The following GALNT18 variants were observed in gnomAD, a reference collection of about 807,000 sequenced individuals.
GALNT18 encodes GalNAc-transferase 18.
In GALNT18, 44 loss-of-function variants were observed where a neutral mutation model predicts 69.5. That is an observed-to-expected ratio of 0.63 (90% CI 0.50 to 0.81). The LOEUF (loss-of-function observed/expected upper bound fraction) is 0.81, where lower values mean the gene tolerates loss of function less well. Ranked by LOEUF, GALNT18 falls within the 40% of genes least tolerant of loss-of-function variation. The probability of loss-of-function intolerance (pLI) is 0.00; values close to 1 mark genes in which losing one functional copy is unlikely to be tolerated. For synonymous variants in GALNT18, 364 were observed against 318.2 expected, an observed-to-expected ratio of 1.14 and a Z score of -1.53; for missense variants, 715 against 810.0, an observed-to-expected ratio of 0.88 and a Z score of 1.42.
At chr11:11,292,436 G>A (rs1318084612) in intron 10 of GALNT18, among the ~76,000 whole-genome samples, 1 of 152,142 alleles carries the variant, frequency 6.6e-6, no homozygotes, top group African/African-American at 2.4e-5. Context: ...ACTTAATAAA[G>A]GAATGTCCCA....
Position 11,617,027 on chromosome 11 carries a change from C to A in GALNT18, c.235+4332G>T, listed in dbSNP as rs1035888359. Among the ~76,000 whole-genome samples, 1 of 152,114 alleles carries A rather than the reference C, an allele frequency of 6.6e-6. No individual in the cohort carries two copies. The highest frequency in any genetic ancestry group is 6.5e-5 in the Admixed American group (1 of 15,274). On this transcript the variant is annotated intron_variant, in intron 1 of 10. Coordinates refer to ENST00000227756, the MANE Select transcript of GALNT18 (RefSeq NM_198516.3). The surrounding 1 kb of genome is among the most constrained non-coding windows in gnomAD (Gnocchi z 4.7). The stretch of plus-strand genomic sequence containing the variant: ...CTACACTGAGACTGCTTCATAAGCA[C>A]CTTTAAGTTTCCAATGAATTTTAAA...
At chr11:11,285,594 T>A (rs142013527) in intron 10 of GALNT18, among the ~76,000 whole-genome samples, 136 of 152,310 alleles carry the variant, frequency 8.9e-4, no homozygotes, top group Non-Finnish European at 1.5e-3. Flanking sequence ...CGAAGCTTTG[T>A]CAGTCCCTCA....
At position 11,500,300 on chromosome 11, in the gene GALNT18, C is replaced by T. The variant is rs867807349; in HGVS notation, c.236-51364G>A. 3.9e-5 allele frequency among the ~76,000 whole-genome samples: 6 copies of T among 152,172 alleles called. No individual in the cohort carries two copies. The highest frequency in any genetic ancestry group is 9.7e-5 in the African/African-American group (4 of 41,442). ...GCCTCCCGGGAGTCCCTAATACTGGCGGACAGAGATGGGTTTCAAATCCCA... is the reference window on the plus strand; with the variant it reads ...GCCTCCCGGGAGTCCCTAATACTGGTGGACAGAGATGGGTTTCAAATCCCA... On this transcript the variant is annotated intron_variant, in intron 1 of 10. Coordinates refer to ENST00000227756, the MANE Select transcript of GALNT18 (RefSeq NM_198516.3). This position sits in a 1 kb window ranked among gnomAD's most constrained non-coding sequence, Gnocchi z 5.0.
At chr11:11,594,058 T>C (rs1859427892) in intron 1 of GALNT18, among the ~76,000 whole-genome samples, 1 of 152,244 alleles carries the variant, frequency 6.6e-6, no homozygotes, top group Admixed American at 6.5e-5. Flanking sequence ...TAGTTTTCAC[T>C]CTGTGCCAGA....
intron 10 of GALNT18, among the ~76,000 whole-genome samples, chr11:11,290,130 C>G (rs1304122560): frequency 2.0e-5 from 3 of 152,296 alleles, no homozygotes; most frequent in Admixed American, 6.5e-5. Flanking sequence ...TTGAGGACTC[C>G]TGGTGATGCC....
At chr11:11,478,288 T>C (rs1856445163) in intron 1 of GALNT18, among the ~76,000 whole-genome samples, 1 of 152,228 alleles carries the variant, frequency 6.6e-6, no homozygotes, top group African/African-American at 2.4e-5. Context: ...CTAGCTAACA[T>C]GCCAATCAAA....
At chr11:11,431,946 G>T (rs1008954745) in intron 3 of GALNT18, among the ~76,000 whole-genome samples, 1 of 152,184 alleles carries the variant, frequency 6.6e-6, no homozygotes, top group Non-Finnish European at 1.5e-5. Context: ...CATATGGGGG[G>T]GCAAAGAATC....
Position 11,618,741 on chromosome 11 carries a change from CA to C in GALNT18, c.235+2617del, listed in dbSNP as rs1000921234. ...AAAATGGAGCAAATATTACCTACTT[CA>C]TAAGGTTGTGAAGATTAAATAAGTC... On this transcript the variant is annotated intron_variant, in intron 1 of 10. Coordinates refer to ENST00000227756, the MANE Select transcript of GALNT18 (RefSeq NM_198516.3). This position sits in a 1 kb window ranked among gnomAD's most constrained non-coding sequence, Gnocchi z 6.1. 2.1e-4 allele frequency among the ~76,000 whole-genome samples: 32 copies of C among 152,310 alleles called. No homozygotes were observed. Among genetic ancestry groups the C allele is most frequent in the African/African-American group, 7.5e-4 (31 of 41,552 alleles).
intron 2 of GALNT18, among the ~76,000 whole-genome samples, chr11:11,434,814 T>C (rs1855361350): frequency 6.6e-6 from 1 of 152,160 alleles, no homozygotes; most frequent in African/African-American, 2.4e-5. Flanking sequence ...TCTTTTTCAA[T>C]TTTTTGGAAA....
chr11:11,301,727 T>C (rs1849498016), intron 9 of GALNT18, among the ~76,000 whole-genome samples: 1 of 152,160 alleles, frequency 6.6e-6, no homozygotes, highest in African/African-American at 2.4e-5. Flanking sequence ...GAGGAGTCGA[T>C]CCCATTCAAT....
At position 11,620,924 on chromosome 11, in the gene GALNT18, A is replaced by G. The variant is rs1030568145; in HGVS notation, c.235+435T>C. 7.0e-6 allele frequency among the ~76,000 whole-genome samples: 1 copy of G among 142,866 alleles called. No individual in the cohort carries two copies. The highest frequency in any genetic ancestry group is 2.5e-4 in the South Asian group (1 of 4,064). The allele number at this position is 142,866 out of a possible 152,430, so 93.7% of individuals were successfully genotyped here. A position where few individuals can be genotyped will look rare whatever the true frequency, so the allele number is the denominator to read the frequency against. On this transcript the variant is annotated intron_variant, in intron 1 of 10. Transcript: ENST00000227756. The surrounding 1 kb of genome is among the most constrained non-coding windows in gnomAD (Gnocchi z 6.9). ...CAATAGTCAGGGCCGCCGCGCGGGC[A>G]TCTCGCCTGACGCCTACAGTGGCCA...
intron 1 of GALNT18, among the ~76,000 whole-genome samples, chr11:11,549,381 G>A (rs752753289): frequency 4.6e-5 from 7 of 152,140 alleles, no homozygotes; most frequent in Non-Finnish European, 8.8e-5. Context: ...TAACTGATAC[G>A]GCAGATGACC....
At chr11:11,279,492 C>T (rs1488316750) in intron 10 of GALNT18, among the ~76,000 whole-genome samples, 1 of 152,138 alleles carries the variant, frequency 6.6e-6, no homozygotes, top group African/African-American at 2.4e-5. Context: ...ATTTATAAAA[C>T]TAACCTGGAG....
At chr11:11,391,353 T>G (rs1461085598) in intron 3 of GALNT18, among the ~76,000 whole-genome samples, 1 of 152,264 alleles carries the variant, frequency 6.6e-6, no homozygotes, top group Non-Finnish European at 1.5e-5. Context: ...GTAACCCATT[T>G]TATAGATGAG....
At position 11,356,153 on chromosome 11, in the gene GALNT18, C is replaced by T. The variant is rs972913985; in HGVS notation, c.1093-15149G>A. ...CCAAGAACATTTGTATTTGGAGATG[C>T]CCCTGACCCCTCCTTCTGCAACTTC... is the stretch of plus-strand genomic sequence containing the variant. On this transcript the variant is annotated intron_variant, in intron 6 of 10. Transcript: ENST00000227756. The surrounding 1 kb of genome is among the most constrained non-coding windows in gnomAD (Gnocchi z 4.4). 5.9e-5 allele frequency among the ~76,000 whole-genome samples: 9 copies of T among 152,178 alleles called. No homozygotes were observed. Among genetic ancestry groups the T allele is most frequent in the African/African-American group, 1.4e-4 (6 of 41,456 alleles).
At position 11,293,182 on chromosome 11, in the gene GALNT18, G is replaced by A; in HGVS notation, c.1524C>T (p.Tyr508=). The change falls in exon 10 of 11, where the codon TAC becomes TAT. Residue 508 remains tyrosine (Y), a synonymous_variant. Transcript: ENST00000227756. The part of the protein sequence containing the change: ...CHGMTPQNVY[Y]TSSQQIHVGI... ...CCACATGGATCTGCTGACTGCTCGT[G>A]TAGTACACGTTCTGGGGGCGGAGGG... 1.5e-6 allele frequency: 2 copies of A among 1,330,642 alleles called. No homozygotes were observed. Among genetic ancestry groups the A allele is most frequent in the Admixed American group, 3.0e-5 (1 of 33,006 alleles). The allele number at this position is 1,330,642 out of a possible 1,614,324, so 82.4% of individuals were successfully genotyped here.
rs1246196787 is a variant in GALNT18 at position 11,542,188 on chromosome 11, G to A, written c.235+79171C>T. Among the ~76,000 whole-genome samples, 2 of 152,118 alleles carry A rather than the reference G, an allele frequency of 1.3e-5. No individual in the cohort carries two copies. The highest frequency in any genetic ancestry group is 3.9e-4 in the East Asian group (2 of 5,176). ...TGACCATTAAAGACTTTGCCCAAAG[G>A]CTGTGGCTGCGTCTTAGAAAGCAAA... On this transcript the variant is annotated intron_variant, in intron 1 of 10. Transcript: ENST00000227756. The surrounding 1 kb of genome is among the most constrained non-coding windows in gnomAD (Gnocchi z 4.3).
chr11:11,392,409 C>T (rs138587245), intron 3 of GALNT18, among the ~76,000 whole-genome samples: 30 of 152,312 alleles, frequency 2.0e-4, no homozygotes, highest in African/African-American at 6.7e-4. Context: ...CACCCGAGGT[C>T]GGGAGTTCAA....
At chr11:11,551,166 TA>T (rs993103844) in intron 1 of GALNT18, among the ~76,000 whole-genome samples, 5 of 151,920 alleles carry the variant, frequency 3.3e-5, no homozygotes, top group Non-Finnish European at 5.9e-5. Context: ...TTTATTTATA[TA>T]AAGAATAAAC....
Sources: allele counts gnomAD v4.1 joint callset (sites outside exome capture counted in the v4.1 genomes callset), GRCh38; gene constraint gnomAD v4.1.1; non-coding constraint Gnocchi (gnomAD v3.1); transcripts MANE v1.5; gene names NCBI Gene and HGNC (gene_info 2026-07-23, HGNC 2026-07-21).